Variants in SLC35F1 observed in about 807,000 individuals in gnomAD.
SLC35F1 encodes the protein solute carrier family 35 member F1, also known as chromosome 6 open reading frame 169.
In SLC35F1, 14 loss-of-function variants were observed where a neutral mutation model predicts 48.7. That is an observed-to-expected ratio of 0.29 (90% confidence interval 0.19 to 0.45). The LOEUF (loss-of-function observed/expected upper bound fraction) is 0.45, where lower values mean the gene tolerates loss of function less well. Ranked by LOEUF, SLC35F1 falls within the 20% of genes least tolerant of loss-of-function variation. The pLI, the probability that SLC35F1 is intolerant of heterozygous loss-of-function variation, is 1.00. For missense variants in SLC35F1, 404 were observed against 500.0 expected, an observed-to-expected ratio of 0.81 and a Z score of 1.83; for synonymous variants, 190 against 202.2, an observed-to-expected ratio of 0.94 and a Z score of 0.51.
intron 1 of SLC35F1, among the ~76,000 whole-genome samples, chr6:118,092,434 C>T (rs896077962): frequency 6.6e-6 from 1 of 152,212 alleles, no homozygotes; most frequent in Non-Finnish European, 1.5e-5. Flanking sequence ...GGGCAAGGCC[C>T]TCATGGAGAA....
chr6:118,239,924 T>C (rs973389788), intron 3 of SLC35F1, among the ~76,000 whole-genome samples: 1 of 152,208 alleles, frequency 6.6e-6, no homozygotes, highest in Non-Finnish European at 1.5e-5. Flanking sequence ...AGAAGGCATT[T>C]CCTCTGTGAG....
At chr6:118,272,606 A>G (rs1775866228) in intron 4 of SLC35F1, among the ~76,000 whole-genome samples, 2 of 151,936 alleles carry the variant, frequency 1.3e-5, no homozygotes, top group Admixed American at 1.3e-4. Context: ...TGCTTATTTT[A>G]ATAGGTAAGA....
intron 1 of SLC35F1, among the ~76,000 whole-genome samples, chr6:118,058,858 G>C (rs1188518551): frequency 6.6e-6 from 1 of 152,148 alleles, no homozygotes; most frequent in East Asian, 1.9e-4. Flanking sequence ...GAAATTTGCT[G>C]TCAGTAGCAA....
At chr6:118,138,109 G>T (rs1214953618) in intron 1 of SLC35F1, among the ~76,000 whole-genome samples, 1 of 151,940 alleles carries the variant, frequency 6.6e-6, no homozygotes, top group Admixed American at 6.6e-5. Flanking sequence ...GGAGGTTCGA[G>T]ACCAGCCTGG....
At chr6:118,193,505 C>A (rs978784048) in intron 2 of SLC35F1, among the ~76,000 whole-genome samples, 1 of 152,168 alleles carries the variant, frequency 6.6e-6, no homozygotes, top group African/African-American at 2.4e-5. Context: ...TAAAACAATC[C>A]TTTAACCCTC....
intron 7 of SLC35F1, among the ~76,000 whole-genome samples, chr6:118,311,527 C>A (rs952315972): frequency 6.6e-6 from 1 of 152,232 alleles, no homozygotes; most frequent in Non-Finnish European, 1.5e-5. Context: ...CGATGGCCCA[C>A]GCCTGTAATC....
At chr6:118,195,127 A>AG (rs1462554661) in intron 2 of SLC35F1, among the ~76,000 whole-genome samples, 5 of 152,162 alleles carry the variant, frequency 3.3e-5, no homozygotes, top group African/African-American at 1.2e-4. Context: ...CTTTTAACCA[A>AG]GAAGGACTTT....
intron 2 of SLC35F1, among the ~76,000 whole-genome samples, chr6:118,178,909 G>T (rs1774532433): frequency 1.3e-5 from 2 of 152,030 alleles, no homozygotes; most frequent in Non-Finnish European, 2.9e-5. Flanking sequence ...ATTTCTATGG[G>T]AGCCATAACA....
At chr6:118,053,071 C>T (rs1772413769) in intron 1 of SLC35F1, among the ~76,000 whole-genome samples, 1 of 150,592 alleles carries the variant, frequency 6.6e-6, no homozygotes, top group Non-Finnish European at 1.5e-5. Flanking sequence ...TGTGAAGAGC[C>T]TCATTTTGAA....
Position 118,315,994 on chromosome 6 carries a change from T to C in SLC35F1, c.*1742T>C, listed in dbSNP as rs539906175. On this transcript the variant is annotated 3_prime_UTR_variant, in exon 8 of 8. Coordinates refer to ENST00000360388, the MANE Select transcript of SLC35F1 (RefSeq NM_001029858.4). ...ACAGGGTTTATAGGGGAAAAATACA[T>C]GTTTATGAGACATTGGGCAATTCAA... 13 of 152,344 alleles carry C rather than the reference T, an allele frequency of 8.5e-5. No homozygotes were observed. Among genetic ancestry groups the C allele is most frequent in the Non-Finnish European group, 1.6e-4 (11 of 68,044 alleles). The allele number at this position is 152,344 out of a possible 1,614,324, so 9.4% of individuals were successfully genotyped here.
intron 1 of SLC35F1, among the ~76,000 whole-genome samples, chr6:118,092,902 C>T (rs564598770): frequency 9.9e-5 from 15 of 152,256 alleles, no homozygotes; most frequent in Admixed American, 1.3e-4. Flanking sequence ...TTTGATTTGA[C>T]GGGCTCATAG....
chr6:118,162,957 C>G (rs1582704194), intron 2 of SLC35F1, among the ~76,000 whole-genome samples: 1 of 141,442 alleles, frequency 7.1e-6, no homozygotes, highest in Non-Finnish European at 1.5e-5. Context: ...TGAATCTTTT[C>G]TTTCTTTTTT....
In SLC35F1 at chr6:118,240,673, G is replaced by A. The variant is rs140553264; in HGVS notation, c.477+5037G>A. On this transcript the variant is annotated intron_variant, in intron 3 of 7. Transcript: ENST00000360388. ...CAGTTCTCTGGGAACGTTTGTCAAA[G>A]CAATCTAACCCAAACTGGAAGGTTG... Among the ~76,000 whole-genome samples, 741 of 152,298 alleles carry A rather than the reference G, an allele frequency of 4.9e-3. 6 individuals carry two copies. The highest frequency in any genetic ancestry group is 0.044 in the Middle Eastern group (13 of 294).
intron 1 of SLC35F1, among the ~76,000 whole-genome samples, chr6:117,961,661 C>A (rs760597995): frequency 6.6e-6 from 1 of 152,138 alleles, no homozygotes; most frequent in Non-Finnish European, 1.5e-5. Flanking sequence ...CTATCAGTTT[C>A]TTTAATCTAG....
At chr6:117,920,303 G>T (rs1017610700) in intron 1 of SLC35F1, among the ~76,000 whole-genome samples, 1 of 152,232 alleles carries the variant, frequency 6.6e-6, no homozygotes, top group African/African-American at 2.4e-5. Context: ...ACAGAGGACC[G>T]GACGGGGGCG....
chr6:118,180,234 C>T (rs558478411), intron 2 of SLC35F1, among the ~76,000 whole-genome samples: 27 of 152,140 alleles, frequency 1.8e-4, no homozygotes, highest in African/African-American at 6.5e-4. Context: ...TTGGCATAAA[C>T]AATTACAGAT....
intron 1 of SLC35F1, among the ~76,000 whole-genome samples, chr6:118,127,162 C>T (rs1313412566): frequency 1.3e-5 from 2 of 151,200 alleles, no homozygotes; most frequent in Non-Finnish European, 3.0e-5. Context: ...CCCATCAATA[C>T]CTAATTTATT....
At position 118,074,725 on chromosome 6, in the gene SLC35F1, C is replaced by T. The variant is rs181098805; in HGVS notation, c.174-79720C>T. Among the ~76,000 whole-genome samples the T allele has an allele frequency of 2.3e-3, 352 of 152,290 alleles. 2 individuals carry two copies. The highest frequency in any genetic ancestry group is 1.8e-3 in the Non-Finnish European group (121 of 68,012). Reference sequence around the variant, plus strand: ...AATGCAGTGGCATGATCACAACTCACGGCAGCGTTGACCTCCTGGGCTCAA... The same window carrying T: ...AATGCAGTGGCATGATCACAACTCATGGCAGCGTTGACCTCCTGGGCTCAA... On this transcript the variant is annotated intron_variant, in intron 1 of 7. Transcript: ENST00000360388.
At chr6:118,061,556 G>GTA (rs987100183) in intron 1 of SLC35F1, among the ~76,000 whole-genome samples, 50 of 145,294 alleles carry the variant, frequency 3.4e-4, no homozygotes, top group African/African-American at 6.1e-4. Context: ...TATTTTATGT[G>GTA]TATATATATA....
Sources: allele counts gnomAD v4.1 joint callset (sites outside exome capture counted in the v4.1 genomes callset), GRCh38; gene constraint gnomAD v4.1.1; transcripts MANE v1.5; gene names NCBI Gene and HGNC (gene_info 2026-07-23, HGNC 2026-07-21).